Variants in KIF13B observed in about 807,000 individuals in gnomAD.
The protein encoded by KIF13B is kinesin-like protein KIF13B.
In KIF13B, 127 loss-of-function variants were observed where a neutral mutation model predicts 222.0. That is an observed-to-expected ratio of 0.57 (90% CI 0.50 to 0.66). The LOEUF (loss-of-function observed/expected upper bound fraction) is 0.66, where lower values mean the gene tolerates loss of function less well. KIF13B is among the 30% of genes least tolerant of loss of function. KIF13B has a pLI of 0.00. For missense variants in KIF13B, 2,173 were observed against 2,379.0 expected, an observed-to-expected ratio of 0.91 and a Z score of 1.80; for synonymous variants, 976 against 919.0, an observed-to-expected ratio of 1.06 and a Z score of -1.12.
At chr8:29,178,859 G>C (rs1277299523) in intron 8 of KIF13B, among the ~76,000 whole-genome samples, 2 of 152,096 alleles carry the variant, frequency 1.3e-5, no homozygotes, top group Non-Finnish European at 2.9e-5. Context: ...GACACACTAG[G>C]GGGTAGGCAT....
intron 10 of KIF13B, among the ~76,000 whole-genome samples, chr8:29,174,138 A>C (rs1037009172): frequency 1.3e-5 from 2 of 152,170 alleles, no homozygotes; most frequent in African/African-American, 4.8e-5. Context: ...ATATACTTTG[A>C]GCAAATTTTT....
intron 3 of KIF13B, among the ~76,000 whole-genome samples, chr8:29,193,904 A>G (rs970305361): frequency 1.3e-5 from 2 of 149,622 alleles, no homozygotes; most frequent in South Asian, 2.1e-4. Context: ...CGCAAGCTCC[A>G]CCTCCCAGGT....
At chr8:29,224,225 G>C (rs565077519) in intron 2 of KIF13B, among the ~76,000 whole-genome samples, 2 of 150,750 alleles carry the variant, frequency 1.3e-5, no homozygotes, top group East Asian at 3.9e-4. Context: ...GGATGGTCTC[G>C]ATCTCCTGAC....
rs768312001 is a variant in KIF13B, at chr8:29,118,892, C to G, written c.3636G>C (p.Gln1212His). 1 of 1,613,996 alleles carries G rather than the reference C, an allele frequency of 6.2e-7. No individual in the cohort carries two copies. The highest frequency in any genetic ancestry group is 1.7e-5 in the Admixed American group (1 of 60,024). The stretch of plus-strand genomic sequence containing the variant: ...CCTCCCCATCATGCTGCTTCACAAT[C>G]TGCAATTCAAAGAACTCCTCTTCTT... ...GEEEEEFFEL[Q>H]IVKQHDGEVK... The change falls in exon 30 of 40, where the codon CAG (glutamine) becomes CAC (histidine). Residue 1212 changes from glutamine (Q) to histidine (H), a missense_variant. Physicochemically the swap from Gln to His is conservative, Grantham distance 24. This residue lies in a region of KIF13B where 1,480 missense variants were observed against 1,722.8 expected (regional missense o/e 0.86). Coordinates refer to ENST00000524189, the MANE Select transcript of KIF13B (RefSeq NM_015254.4).
At chr8:29,086,863 T>C (rs1808067698) in intron 37 of KIF13B, among the ~76,000 whole-genome samples, 2 of 152,360 alleles carry the variant, frequency 1.3e-5, no homozygotes, top group Non-Finnish European at 2.9e-5. Context: ...TATTTTACAA[T>C]CATTTAATGG....
At chr8:29,239,972 C>A (rs1235456164) in intron 2 of KIF13B, among the ~76,000 whole-genome samples, 1 of 150,574 alleles carries the variant, frequency 6.6e-6, no homozygotes. Context: ...CGCAATACAC[C>A]CTTGTAACAA....
At chr8:29,172,496 G>C (rs75193127) in intron 10 of KIF13B, among the ~76,000 whole-genome samples, 2 of 152,198 alleles carry the variant, frequency 1.3e-5, no homozygotes, top group African/African-American at 2.4e-5. Context: ...AGCAGATTAA[G>C]TGACCTTTTA....
intron 36 of KIF13B, among the ~76,000 whole-genome samples, chr8:29,097,165 C>T (rs573211543): frequency 6.8e-4 from 104 of 152,152 alleles, no homozygotes; most frequent in African/African-American, 2.3e-3. Context: ...AAATTTGATG[C>T]AGTTATATAT....
At chr8:29,114,832 G>A (rs923412765) in intron 31 of KIF13B, among the ~76,000 whole-genome samples, 18 of 152,276 alleles carry the variant, frequency 1.2e-4, no homozygotes, top group Admixed American at 3.9e-4. Flanking sequence ...CTGTAGGGCC[G>A]GTGGTTGTGC....
Position 29,228,472 on chromosome 8 carries a change from A to AAAAAAATATATATAT in KIF13B, c.149+16873_149+16874insATATATATATTTTTT. On this transcript the variant is annotated intron_variant, in intron 2 of 39. Transcript: ENST00000524189. ...ACAGAGCCAGACTCCATCTTAAAAA[A>AAAAAAATATATATAT]ATATATATATATATATATGAGATAC... Among the ~76,000 whole-genome samples, 90 of 117,078 alleles carry AAAAAAATATATATAT rather than the reference A, an allele frequency of 7.7e-4. 3 individuals carry two copies. The highest frequency in any genetic ancestry group is 2.4e-3 in the African/African-American group (73 of 30,722). 76.8% of individuals were successfully genotyped at this position (117,078 alleles called of 152,430 possible). A position where few individuals can be genotyped will look rare whatever the true frequency, so the allele number is the denominator to read the frequency against.
intron 37 of KIF13B, among the ~76,000 whole-genome samples, chr8:29,087,754 G>A (rs1808107737): frequency 6.6e-6 from 1 of 152,138 alleles, no homozygotes; most frequent in Non-Finnish European, 1.5e-5. Context: ...CGAGACAACT[G>A]TAGAATGACG....
At chr8:29,190,829 C>T in intron 4 of KIF13B, 168 bp downstream of exon 4, 3 of 667,392 alleles carry the variant, frequency 4.5e-6, no homozygotes, top group South Asian at 1.6e-5. Context: ...AAAACTCCCC[C>T]AACATTTGGT....
rs1811494260 is a variant in KIF13B, at chr8:29,155,790, C to T, written c.1471G>A (p.Glu491Lys). 6.3e-7 allele frequency: 1 copy of T among 1,598,570 alleles called. No individual in the cohort carries two copies. Residue 491 changes from glutamate to lysine, a missense_variant, in exon 14 of 40, where the codon GAA becomes AAA. Physicochemically the swap from Glu to Lys is moderately conservative, Grantham distance 56. This residue lies in a region of KIF13B where 1,480 missense variants were observed against 1,722.8 expected (regional missense o/e 0.86). Coordinates refer to ENST00000524189, the MANE Select transcript of KIF13B (RefSeq NM_015254.4). ...IQLCGMGILP[E>K]HCIIDITSEG... ...GACGTGATGTCTATAATACAGTGTTCAGGAAGAATTCCCATGCCGCACAGT... is the reference window on the plus strand; with the variant it reads ...GACGTGATGTCTATAATACAGTGTTTAGGAAGAATTCCCATGCCGCACAGT...
intron 12 of KIF13B, among the ~76,000 whole-genome samples, chr8:29,161,701 C>CCG (rs1563751682): frequency 6.8e-6 from 1 of 146,978 alleles, no homozygotes; most frequent in East Asian, 2.0e-4. Flanking sequence ...ATCTCAAAAC[C>CCG]CCCCCCCAAA....
chr8:29,108,304 G>A, intron 34 of KIF13B, 112 bp from the exon 35 acceptor site: 1 of 921,942 alleles, frequency 1.1e-6, no homozygotes, highest in Non-Finnish European at 1.7e-6. Context: ...TTGGGTGGCA[G>A]CAGAGAGGTT....
chr8:29,132,703 T>C (rs186406510), intron 22 of KIF13B, among the ~76,000 whole-genome samples: 1 of 152,334 alleles, frequency 6.6e-6, no homozygotes, highest in East Asian at 1.9e-4. Flanking sequence ...GAAAGTCTAG[T>C]ATGTAAGACC....
intron 11 of KIF13B, among the ~76,000 whole-genome samples, 182 bp downstream of exon 11, chr8:29,167,191 C>A (rs1464016983): frequency 6.6e-6 from 1 of 152,196 alleles, no homozygotes; most frequent in Non-Finnish European, 1.5e-5. Context: ...TGTAAAACCT[C>A]TTTGGAATTC....
At chr8:29,179,653 T>C (rs1412305798) in intron 8 of KIF13B, among the ~76,000 whole-genome samples, 1 of 152,216 alleles carries the variant, frequency 6.6e-6, no homozygotes, top group East Asian at 1.9e-4. Flanking sequence ...TGCCCCTTTC[T>C]GGCTCTTTCT....
In KIF13B at chr8:29,109,993, C is replaced by T. The variant is rs555633942; in HGVS notation, c.4008G>A (p.Ser1336=). ...ANVENPASAD[S]EAYIEKYLRS... ...TGAGGTACTTTTCAATATAAGCCTC[C>T]GAGTCAGCAGAAGCTGGGTTTTCAA... The change falls in exon 33 of 40, where the codon TCG becomes TCA. Residue 1336 remains serine (S), a synonymous_variant. Transcript: ENST00000524189. The T allele has an allele frequency of 2.2e-5, 36 of 1,609,388 alleles. No homozygotes were observed. Among genetic ancestry groups the T allele is most frequent in the Middle Eastern group, 1.7e-4 (1 of 6,056 alleles).
Sources: gnomAD v4.1 joint callset for allele counts (sites outside exome capture counted in the v4.1 genomes callset) on GRCh38, gnomAD v4.1.1 for gene constraint, gnomAD v4.1.1 regional missense constraint, MANE v1.5 for transcripts, NCBI Gene and HGNC (gene_info 2026-07-23, HGNC 2026-07-21) for gene names.